ACSM2A: variants seen among roughly 807,000 people sequenced by gnomAD.
ACSM2A encodes the protein acyl-CoA synthetase medium chain family member 2A, also known as acyl-coenzyme A synthetase ACSM2A, mitochondrial.
In ACSM2A, 72 loss-of-function variants were observed where a neutral mutation model predicts 76.6. The ratio of observed to expected loss-of-function variants is 0.94; its 90% CI spans 0.78 to 1.14. The LOEUF (loss-of-function observed/expected upper bound fraction) is 1.14. ACSM2A is among the 50% of genes most tolerant of loss of function. ACSM2A has a pLI of 0.00. For missense variants in ACSM2A, 684 were observed against 708.5 expected (o/e 0.97, Z 0.39); for synonymous variants, 249 against 255.9 (o/e 0.97, Z 0.26).
At position 20,478,654 on chromosome 16, in the gene ACSM2A, A is replaced by T; in HGVS notation, c.1258A>T (p.Ile420Leu). Residue 420 changes from isoleucine (I) to leucine (L), a missense_variant, in exon 10 of 14, where the codon ATA (isoleucine) becomes TTA (leucine). By Grantham distance (5) the Ile-to-Leu change is conservative (BLOSUM62 2). Coordinates refer to ENST00000573854, the MANE Select transcript of ACSM2A (RefSeq NM_001308172.2). Reference sequence around the variant, plus strand: ...CATCAGGGTCAAACCCATCAGGCCTATAGGCATCTTCTCTGGCTATGTGGT... The same window carrying T: ...CATCAGGGTCAAACCCATCAGGCCTTTAGGCATCTTCTCTGGCTATGTGGT... The part of the protein sequence containing the change: ...IGIRVKPIRP[I>L]GIFSGYVDNP... 1 of 1,613,424 alleles carries T rather than the reference A, an allele frequency of 6.2e-7. No individual in the cohort carries two copies. Among genetic ancestry groups the T allele is most frequent in the Non-Finnish European group, 8.5e-7 (1 of 1,179,514 alleles).
intron 1 of ACSM2A, chr16:20,453,645 G>C (rs982355725): frequency 2.4e-5 from 3 of 126,544 alleles, no homozygotes; most frequent in Admixed American, 2.3e-4. Flanking sequence ...CTGACTGCCT[G>C]CGGGGTCGGG....
intron 2 of ACSM2A, among the ~76,000 whole-genome samples, chr16:20,460,593 C>T (rs979139100): frequency 5.9e-5 from 9 of 151,602 alleles, no homozygotes; most frequent in Non-Finnish European, 1.2e-4. Flanking sequence ...GAAATGAGGA[C>T]TTTTGGTCTG....
In ACSM2A at chr16:20,475,391, G is replaced by A. The variant is rs748818131; in HGVS notation, c.924G>A (p.Met308Ile). The change falls in exon 7 of 14, where the codon ATG becomes ATA. Residue 308 changes from methionine (M) to isoleucine (I), a missense_variant. Physicochemically the swap from Met to Ile is conservative, Grantham distance 10 (BLOSUM62 1). Transcript: ENST00000573854. ...KTLSSYPIKS[M>I]MGAPIVYRML... ...TCTCCAGTTATCCAATCAAGAGTAT[G>A]ATGGGTGCCCCCATTGTTTACCGGA... is the stretch of plus-strand genomic sequence containing the variant. The A allele has an allele frequency of 6.2e-7, 1 of 1,613,808 alleles. No homozygotes were observed. The highest frequency in any genetic ancestry group is 1.1e-5 in the South Asian group (1 of 91,076).
chr16:20,459,330 G>A (rs551903917), intron 1 of ACSM2A, among the ~76,000 whole-genome samples: 1 of 152,152 alleles, frequency 6.6e-6, no homozygotes, highest in African/African-American at 2.4e-5. Flanking sequence ...GTTAGGTCCT[G>A]TGCACTAGAT....
chr16:20,461,750 A>C (rs2012635796), intron 2 of ACSM2A, among the ~76,000 whole-genome samples: 1 of 152,198 alleles, frequency 6.6e-6, no homozygotes, highest in Admixed American at 6.5e-5. Context: ...ATTTTGCTGA[A>C]ATAACTTTTA....
intron 6 of ACSM2A, chr16:20,473,823 T>A: frequency 3.6e-6 from 1 of 275,226 alleles, no homozygotes; most frequent in Non-Finnish European, 7.1e-6. Context: ...ACTTTAAGTC[T>A]GATTAAAAAA....
chr16:20,479,544 G>T (rs982670257), intron 10 of ACSM2A, among the ~76,000 whole-genome samples: 2 of 152,244 alleles, frequency 1.3e-5, no homozygotes, highest in Admixed American at 1.3e-4. Flanking sequence ...TAAGTTGTGT[G>T]TCGTGAGTGT....
At chr16:20,458,414 T>C (rs1331159221) in intron 1 of ACSM2A, among the ~76,000 whole-genome samples, 1 of 143,394 alleles carries the variant, frequency 7.0e-6, no homozygotes, top group Non-Finnish European at 1.5e-5. Context: ...ATATACTATA[T>C]ATAGTATATG....
intron 12 of ACSM2A, chr16:20,482,793 T>C: frequency 3.3e-6 from 1 of 299,652 alleles, no homozygotes; most frequent in Admixed American, 4.4e-5. Context: ...GTATCTTCTT[T>C]CTCCTTATCT....
chr16:20,475,891 A>G lies in ACSM2A; in HGVS notation c.1098+118A>G, dbSNP rs529706655. On this transcript the variant is annotated intron_variant, in intron 8 of 13. Coordinates refer to ENST00000573854, the MANE Select transcript of ACSM2A (RefSeq NM_001308172.2). ...TCATCTATTCGAGAAGTATTTATTG[A>G]GCCTCTATGAAGGGACAGGTACTGA... 1.2e-4 allele frequency: 190 copies of G among 1,541,728 alleles called. 2 individuals are homozygous for G. The African/African-American group carries it at 2.5e-3, about 20-fold the overall frequency.
intron 10 of ACSM2A, 37 bp downstream of exon 10, chr16:20,478,714 G>C: frequency 6.3e-7 from 1 of 1,588,796 alleles, no homozygotes; most frequent in South Asian, 1.1e-5. Flanking sequence ...GTTCCCCAGT[G>C]AGGATGGGAG....
chr16:20,459,734 A>C (rs1417103609), intron 1 of ACSM2A, among the ~76,000 whole-genome samples: 2 of 152,202 alleles, frequency 1.3e-5, no homozygotes, highest in South Asian at 4.1e-4. Context: ...CTGGGAAGTC[A>C]CTTGAAAATG....
chr16:20,485,182 A>T (rs763555890), intron 13 of ACSM2A, among the ~76,000 whole-genome samples: 2 of 152,228 alleles, frequency 1.3e-5, no homozygotes, highest in Non-Finnish European at 2.9e-5. Flanking sequence ...GGAGTTTAGA[A>T]ATCCAGGCAC....
chr16:20,458,915 TATATATATATATATATAC>T (rs2012415387), intron 1 of ACSM2A, among the ~76,000 whole-genome samples: 1 of 58,840 alleles, frequency 1.7e-5, no homozygotes, highest in African/African-American at 9.1e-5. Context: ...CATATATATA[TATATATATATATATATAC>T]ATATATATAT....
intron 8 of ACSM2A, chr16:20,476,479 G>C: frequency 2.3e-5 from 23 of 985,400 alleles, no homozygotes; most frequent in Non-Finnish European, 2.8e-5. Flanking sequence ...AAGGTTGACG[G>C]CAGCTCTGTG....
rs1360823338 is a variant in ACSM2A, at chr16:20,475,687, G to C, written c.1012G>C (p.Gly338Arg). Reference sequence around the variant, plus strand: ...CCATCTACAGAACTGCGTCACTGTAGGGGAGTCCCTTCTTCCAGAAACTCT... The same window carrying C: ...CCATCTACAGAACTGCGTCACTGTACGGGAGTCCCTTCTTCCAGAAACTCT... ...FPHLQNCVTV[G>R]ESLLPETLEN... Residue 338 changes from glycine to arginine, a missense_variant, in exon 8 of 14, where the codon GGG (glycine) becomes CGG (arginine). By Grantham distance (125) the Gly-to-Arg change is moderately radical (BLOSUM62 -2). Coordinates refer to ENST00000573854, the MANE Select transcript of ACSM2A (RefSeq NM_001308172.2). 8 of 1,613,878 alleles carry C rather than the reference G, an allele frequency of 5.0e-6. No individual in the cohort carries two copies. Among genetic ancestry groups the C allele is most frequent in the African/African-American group, 1.3e-5 (1 of 74,906 alleles).
chr16:20,483,766 A>G (rs942357213), intron 13 of ACSM2A, among the ~76,000 whole-genome samples: 5 of 151,974 alleles, frequency 3.3e-5, no homozygotes, highest in African/African-American at 1.2e-4. Context: ...GGTTCTTGCT[A>G]TAGTATTCAG....
chr16:20,477,254 C>G, intron 8 of ACSM2A, 115 bp from the exon 9 acceptor site: 1 of 1,425,946 alleles, frequency 7.0e-7, no homozygotes, highest in Non-Finnish European at 9.2e-7. Context: ...GGGGAGCCAC[C>G]AAGTGCAGGC....
At position 20,480,863 on chromosome 16, in the gene ACSM2A, A is replaced by G; in HGVS notation, c.1451A>G (p.Glu484Gly). The G allele has an allele frequency of 3.7e-6, 6 of 1,613,916 alleles. No individual in the cohort carries two copies. Among genetic ancestry groups the G allele is most frequent in the South Asian group, 3.3e-5 (3 of 91,062 alleles). ...GPSEVENALM[E>G]HPAVVETAVI... ...TCGGAGGTAGAGAATGCACTGATGG[A>G]GCACCCTGCTGTGGTTGAGACGGCT... The change falls in exon 12 of 14, where the codon GAG becomes GGG. Residue 484 changes from glutamate (E) to glycine (G), a missense_variant. Physicochemically the swap from Glu to Gly is moderately conservative, Grantham distance 98. This residue lies in a region of ACSM2A where 159 missense variants were observed against 132.5 expected (regional missense o/e 1.20). Transcript: ENST00000573854.
Sources: allele counts gnomAD v4.1 joint callset (sites outside exome capture counted in the v4.1 genomes callset), GRCh38; gene constraint gnomAD v4.1.1; regional missense constraint gnomAD v4.1.1; transcripts MANE v1.5; gene names NCBI Gene and HGNC (gene_info 2026-07-23, HGNC 2026-07-21).